Variants in CAMTA1 observed in about 807,000 individuals in gnomAD.
CAMTA1 encodes calmodulin-binding transcription activator 1.
Under a neutral mutation model 170.9 loss-of-function variants are expected in CAMTA1, and 27 were observed. That is an observed-to-expected ratio of 0.16 (90% CI 0.12 to 0.22). The LOEUF (loss-of-function observed/expected upper bound fraction) is 0.22, where lower values mean the gene tolerates loss of function less well. Among genes scored for constraint, CAMTA1 ranks in the 10% least tolerant of loss-of-function variants. The pLI is 1.00. For missense variants in CAMTA1, 1,619 were observed against 2,217.2 expected, an observed-to-expected ratio of 0.73 and a Z score of 5.42; for synonymous variants, 833 against 891.5, an observed-to-expected ratio of 0.93 and a Z score of 1.17.
At chr1:7,575,612 C>A (rs767292098) in intron 6 of CAMTA1, among the ~76,000 whole-genome samples, 15 of 152,264 alleles carry the variant, frequency 9.9e-5, no homozygotes, top group Non-Finnish European at 2.1e-4. Flanking sequence ...TCTGCCCCAG[C>A]AAAACCATGG....
At chr1:7,013,806 G>T (rs1299140127) in intron 3 of CAMTA1, among the ~76,000 whole-genome samples, 1 of 152,152 alleles carries the variant, frequency 6.6e-6, no homozygotes, top group Non-Finnish European at 1.5e-5. Flanking sequence ...GGAGCTGGCG[G>T]AACTTCCCTT....
chr1:7,177,073 G>T (rs1650992892), intron 4 of CAMTA1, among the ~76,000 whole-genome samples: 1 of 151,852 alleles, frequency 6.6e-6, no homozygotes, highest in South Asian at 2.1e-4. Context: ...ACCCACCAAG[G>T]CTCCTTCCCA....
At chr1:7,076,606 C>T (rs1380514505) in intron 3 of CAMTA1, among the ~76,000 whole-genome samples, 3 of 152,246 alleles carry the variant, frequency 2.0e-5, no homozygotes, top group Non-Finnish European at 2.9e-5. Flanking sequence ...TTTGACACAT[C>T]CACCAATTTT....
intron 4 of CAMTA1, among the ~76,000 whole-genome samples, chr1:7,237,821 C>T (rs1664159959): frequency 6.6e-6 from 1 of 152,238 alleles, no homozygotes; most frequent in Non-Finnish European, 1.5e-5. Flanking sequence ...CTCTCAGTCC[C>T]CTCATTGTTA....
chr1:6,841,607 C>T (rs1655736371), intron 3 of CAMTA1, among the ~76,000 whole-genome samples: 2 of 151,584 alleles, frequency 1.3e-5, no homozygotes, highest in African/African-American at 4.9e-5. Flanking sequence ...TAAATAGTGG[C>T]AAGAATTACA....
intron 6 of CAMTA1, among the ~76,000 whole-genome samples, chr1:7,512,190 G>A (rs2094210162): frequency 6.6e-6 from 1 of 152,200 alleles, no homozygotes; most frequent in African/African-American, 2.4e-5. Flanking sequence ...TCACTGTTCT[G>A]GGTGTCTGGA....
intron 6 of CAMTA1, among the ~76,000 whole-genome samples, chr1:7,581,984 G>A (rs928717191): frequency 9.9e-5 from 15 of 152,140 alleles, no homozygotes; most frequent in African/African-American, 2.2e-4. Context: ...GTGTGCCGGC[G>A]AAGCTCTCTC....
intron 4 of CAMTA1, among the ~76,000 whole-genome samples, chr1:7,245,836 G>A (rs145374302): frequency 8.5e-4 from 130 of 152,262 alleles, no homozygotes; most frequent in African/African-American, 2.6e-3. Context: ...GCCATCCCAG[G>A]AAACACCAGT....
chr1:7,613,549 T>C lies in CAMTA1; in HGVS notation c.511-26851T>C, dbSNP rs570004458. Among the ~76,000 whole-genome samples, 5 of 152,230 alleles carry C rather than the reference T, an allele frequency of 3.3e-5. No individual in the cohort carries two copies. The South Asian group carries it at 1.0e-3, about 32-fold the overall frequency. Reference sequence around the variant, plus strand: ...CCCCTCCAGGACCTGCGGGAGTGTTTATGGCATGGTCCTTGCCCACAAGGA... The same window carrying C: ...CCCCTCCAGGACCTGCGGGAGTGTTCATGGCATGGTCCTTGCCCACAAGGA... On this transcript the variant is annotated intron_variant, in intron 6 of 22. Transcript: ENST00000303635.
chr1:7,412,517 G>C (rs2090851857), intron 5 of CAMTA1, among the ~76,000 whole-genome samples: 1 of 152,222 alleles, frequency 6.6e-6, no homozygotes, highest in Admixed American at 6.5e-5. Flanking sequence ...CAGTGATGGT[G>C]AGCATTGTTT....
intron 4 of CAMTA1, among the ~76,000 whole-genome samples, chr1:7,197,275 C>T (rs1400454129): frequency 6.6e-6 from 1 of 152,156 alleles, no homozygotes; most frequent in Non-Finnish European, 1.5e-5. Context: ...GACATTGCTT[C>T]AGGGAGGTGG....
chr1:7,495,746 T>C (rs1447477937), intron 6 of CAMTA1, among the ~76,000 whole-genome samples: 1 of 152,212 alleles, frequency 6.6e-6, no homozygotes, highest in African/African-American at 2.4e-5. Flanking sequence ...GATTTAAGTG[T>C]TTATCAGGGA....
chr1:7,558,358 G>A (rs568959636), intron 6 of CAMTA1, among the ~76,000 whole-genome samples: 3 of 152,342 alleles, frequency 2.0e-5, no homozygotes, highest in Non-Finnish European at 4.4e-5. Context: ...TTGAAGGCGG[G>A]GAGCATGGAG....
At chr1:6,792,497 C>T (rs981043469) in intron 1 of CAMTA1, among the ~76,000 whole-genome samples, 17 of 151,770 alleles carry the variant, frequency 1.1e-4, no homozygotes, top group African/African-American at 4.1e-4. Flanking sequence ...ACCTCATTAC[C>T]CTGGACTTAC....
At chr1:7,281,941 G>A (rs959690399) in intron 5 of CAMTA1, among the ~76,000 whole-genome samples, 12 of 151,818 alleles carry the variant, frequency 7.9e-5, no homozygotes, top group Non-Finnish European at 1.3e-4. Flanking sequence ...ATGTTCCTCC[G>A]CTTCTTGGAC....
intron 11 of CAMTA1, among the ~76,000 whole-genome samples, chr1:7,709,798 A>G (rs547561722): frequency 6.6e-6 from 1 of 152,344 alleles, no homozygotes; most frequent in East Asian, 1.9e-4. Context: ...CCTGTTTTCC[A>G]AACCCATTAG....
chr1:6,906,977 C>T (rs989180880), intron 3 of CAMTA1, among the ~76,000 whole-genome samples: 2 of 152,324 alleles, frequency 1.3e-5, no homozygotes, highest in Admixed American at 6.5e-5. Context: ...CCATCCCCCG[C>T]GTCCCAGCCC....
chr1:7,174,920 C>T (rs970930792), intron 4 of CAMTA1, among the ~76,000 whole-genome samples: 4 of 152,144 alleles, frequency 2.6e-5, no homozygotes, highest in East Asian at 1.9e-4. Flanking sequence ...GCCTGACATC[C>T]GGATGTCCCA....
At chr1:7,548,802 T>G (rs1575965896) in intron 6 of CAMTA1, among the ~76,000 whole-genome samples, 2 of 57,998 alleles carry the variant, frequency 3.4e-5, no homozygotes, top group Non-Finnish European at 7.3e-5. Flanking sequence ...GGGGCGGAGG[T>G]GCTGGTGGAG....
Sources: gnomAD v4.1 joint callset for allele counts (sites outside exome capture counted in the v4.1 genomes callset) on GRCh38, gnomAD v4.1.1 for gene constraint, MANE v1.5 for transcripts, NCBI Gene and HGNC (gene_info 2026-07-23, HGNC 2026-07-21) for gene names.